COP1: variants seen among roughly 807,000 people sequenced by gnomAD.
COP1 encodes the protein E3 ubiquitin-protein ligase COP1.
Under a neutral mutation model 101.3 loss-of-function variants are expected in COP1, and 24 were observed. The ratio of observed to expected loss-of-function variants is 0.24; its 90% CI spans 0.17 to 0.33. The LOEUF is 0.33. Among genes scored for constraint, COP1 ranks in the 10% least tolerant of loss-of-function variants. The pLI is 1.00. For missense variants in COP1, 663 were observed against 906.2 expected, an observed-to-expected ratio of 0.73 and a Z score of 3.45; for synonymous variants, 347 against 341.9, an observed-to-expected ratio of 1.01 and a Z score of -0.17.
At chr1:175,983,912 T>C (rs756172350) in intron 18 of COP1, among the ~76,000 whole-genome samples, 4 of 152,176 alleles carry the variant, frequency 2.6e-5, no homozygotes, top group Admixed American at 6.5e-5. Context: ...TCTGGTAGAA[T>C]AAATTTCTAA....
chr1:175,963,041 T>C (rs1311565111), intron 18 of COP1, among the ~76,000 whole-genome samples: 2 of 152,142 alleles, frequency 1.3e-5, no homozygotes, highest in Admixed American at 1.3e-4. Context: ...GGGTGTTTTC[T>C]GTTATTCTTA....
chr1:176,145,338 C>A (rs1407368264), intron 6 of COP1, among the ~76,000 whole-genome samples: 2 of 151,994 alleles, frequency 1.3e-5, no homozygotes, highest in Admixed American at 6.6e-5. Flanking sequence ...GAAAAAAAAT[C>A]TACTGGTATC....
At chr1:176,141,332 C>T (rs544944983) in intron 6 of COP1, among the ~76,000 whole-genome samples, 91 of 152,172 alleles carry the variant, frequency 6.0e-4, no homozygotes, top group African/African-American at 2.0e-3. Context: ...GACACCCTGT[C>T]TCTACTAAAA....
intron 18 of COP1, among the ~76,000 whole-genome samples, chr1:175,975,774 T>C (rs1654387473): frequency 6.6e-6 from 1 of 152,140 alleles, no homozygotes; most frequent in South Asian, 2.1e-4. Flanking sequence ...AACACAAGTA[T>C]GTAAAAACAT....
chr1:176,150,157 G>A (rs949536394), intron 5 of COP1, among the ~76,000 whole-genome samples: 7 of 152,032 alleles, frequency 4.6e-5, no homozygotes, highest in African/African-American at 9.7e-5. Context: ...GATATAACAC[G>A]TACTACAAAT....
intron 10 of COP1, among the ~76,000 whole-genome samples, chr1:176,085,216 C>T (rs902879786): frequency 1.6e-4 from 25 of 152,014 alleles, no homozygotes; most frequent in African/African-American, 5.6e-4. Flanking sequence ...AATCCCTACA[C>T]TGATCATTCC....
At chr1:176,135,118 T>C (rs1689590810) in intron 7 of COP1, 32 bp from the exon 8 acceptor site, 5 of 1,367,056 alleles carry the variant, frequency 3.7e-6, no homozygotes, top group Non-Finnish European at 5.2e-6. Context: ...TTATAGTAGA[T>C]ATTTCAAATA....
chr1:175,971,320 C>A lies in COP1; in HGVS notation c.2133+15623G>T, dbSNP rs1653194184. Among the ~76,000 whole-genome samples, 3 of 152,070 alleles carry A rather than the reference C, an allele frequency of 2.0e-5. No individual in the cohort carries two copies. In the South Asian group the frequency reaches 6.2e-4, roughly 31 times the overall value. On this transcript the variant is annotated intron_variant, in intron 18 of 19. Transcript: ENST00000367669. ...TATATTTTGAGTCTTACAGTAAGTT[C>A]TTATTTTGGTCATTTGGGTCCTTGA...
At chr1:175,956,631 A>G (rs976814327) in intron 18 of COP1, among the ~76,000 whole-genome samples, 23 of 152,250 alleles carry the variant, frequency 1.5e-4, no homozygotes, top group African/African-American at 5.3e-4. Context: ...GAATGATTTT[A>G]GGATGCTGGC....
chr1:176,090,980 A>G (rs562856100), intron 9 of COP1, among the ~76,000 whole-genome samples: 6 of 152,340 alleles, frequency 3.9e-5, no homozygotes, highest in African/African-American at 1.4e-4. Context: ...TATACAGCAA[A>G]AATATCTTAA....
intron 2 of COP1, among the ~76,000 whole-genome samples, chr1:176,177,068 A>G (rs116051399): frequency 0.011 from 1,701 of 152,310 alleles, 21 homozygotes; most frequent in Non-Finnish European, 0.017. Context: ...GAAGCAACCT[A>G]AACACTAAGA....
At chr1:175,982,285 T>G in intron 18 of COP1, 1 of 446,532 alleles carries the variant, frequency 2.2e-6, no homozygotes, top group South Asian at 1.6e-5. Context: ...TCAACCTAAG[T>G]GCCCATCAAC....
chr1:176,162,550 T>C (rs704827), intron 5 of COP1, among the ~76,000 whole-genome samples: 114,676 of 152,070 alleles, frequency 0.75, 45,084 homozygotes, highest in East Asian at 0.92. Flanking sequence ...GACAATATGG[T>C]AAGAAAGATA....
At chr1:176,053,343 TC>T (rs1672899985) in intron 11 of COP1, among the ~76,000 whole-genome samples, 1 of 152,174 alleles carries the variant, frequency 6.6e-6, no homozygotes, top group Non-Finnish European at 1.5e-5. Flanking sequence ...CCCTGAAACC[TC>T]CCAGCTCAAA....
intron 12 of COP1, among the ~76,000 whole-genome samples, chr1:176,045,593 A>G (rs1046314152): frequency 6.6e-6 from 1 of 151,488 alleles, no homozygotes; most frequent in South Asian, 2.1e-4. Flanking sequence ...AAAAAAAAAA[A>G]AAAAAAGCAG....
chr1:176,000,502 A>G (rs1399370781), intron 15 of COP1, among the ~76,000 whole-genome samples: 1 of 152,090 alleles, frequency 6.6e-6, no homozygotes, highest in Non-Finnish European at 1.5e-5. Context: ...ATGAAGTTAT[A>G]ATGGCTATGA....
chr1:176,001,943 G>A (rs146741614), intron 15 of COP1, among the ~76,000 whole-genome samples: 9 of 152,094 alleles, frequency 5.9e-5, no homozygotes, highest in Non-Finnish European at 8.8e-5. Flanking sequence ...GATTTCTGAC[G>A]AGAAGTCATC....
At chr1:175,991,211 C>T (rs1658348674) in intron 15 of COP1, among the ~76,000 whole-genome samples, 1 of 152,066 alleles carries the variant, frequency 6.6e-6, no homozygotes, top group South Asian at 2.1e-4. Context: ...CTTTCACAAA[C>T]CTAGATGGTA....
chr1:176,020,114 C>T (rs1666488343), intron 15 of COP1, among the ~76,000 whole-genome samples: 1 of 151,528 alleles, frequency 6.6e-6, no homozygotes, highest in Non-Finnish European at 1.5e-5. Context: ...AGTTCAAGAC[C>T]AGCCTGGCCA....
Sources: allele counts gnomAD v4.1 joint callset (sites outside exome capture counted in the v4.1 genomes callset), GRCh38; gene constraint gnomAD v4.1.1; transcripts MANE v1.5; gene names NCBI Gene and HGNC (gene_info 2026-07-23, HGNC 2026-07-21).